YEATS4: variants seen among roughly 807,000 people sequenced by gnomAD.
The protein encoded by YEATS4 is YEATS domain containing 4.
A neutral mutation model predicts 30.1 loss-of-function variants in YEATS4; 17 were observed. The ratio of observed to expected loss-of-function variants is 0.56; its 90% CI spans 0.39 to 0.85. The LOEUF (loss-of-function observed/expected upper bound fraction) is 0.85. Ranked by LOEUF, YEATS4 falls within the 40% of genes least tolerant of loss-of-function variation. YEATS4 has a pLI of 0.00. For missense variants in YEATS4, 142 were observed against 268.3 expected (o/e 0.53, Z 3.29); for synonymous variants, 85 against 87.5 (o/e 0.97, Z 0.16).
At chr12:69,369,452 T>A (rs926305079) in intron 4 of YEATS4, among the ~76,000 whole-genome samples, 5 of 152,192 alleles carry the variant, frequency 3.3e-5, no homozygotes, top group Non-Finnish European at 7.3e-5. Flanking sequence ...AAGGTAGATA[T>A]GCTTTCTTGT....
chr12:69,417,414 C>T, the YEATS4 span, among the ~76,000 whole-genome samples: 1 of 151,988 alleles, frequency 6.6e-6, no homozygotes, highest in Admixed American at 6.6e-5. Flanking sequence ...CCCGCCTCAG[C>T]CTCCTGAAGT....
the YEATS4 span, among the ~76,000 whole-genome samples, chr12:69,398,784 C>T: frequency 6.7e-6 from 1 of 149,734 alleles, no homozygotes; most frequent in East Asian, 2.0e-4. Flanking sequence ...TACTGCACTC[C>T]AGCCTGGGCA....
chr12:69,362,486 A>C (rs553701147), intron 1 of YEATS4, among the ~76,000 whole-genome samples: 1 of 152,294 alleles, frequency 6.6e-6, no homozygotes, highest in Non-Finnish European at 1.5e-5. Context: ...TTTTTATTTC[A>C]ATGCCTAGCT....
At chr12:69,393,285 A>AT, downstream of YEATS4, among the ~76,000 whole-genome samples, 1 of 152,218 alleles carries the variant, frequency 6.6e-6, no homozygotes, top group Admixed American at 6.5e-5. Flanking sequence ...TACAAAAAAA[A>AT]CCAAACAAAC....
At chr12:69,419,234 T>TTTTTTTG in the YEATS4 span, among the ~76,000 whole-genome samples, 1 of 145,926 alleles carries the variant, frequency 6.9e-6, no homozygotes, top group Non-Finnish European at 1.5e-5. Context: ...TTTTTTTTTT[T>TTTTTTTG]TTTAGAGACA....
chr12:69,375,037 C>T lies in YEATS4; in HGVS notation c.514+4062C>T, dbSNP rs188254937. Among the ~76,000 whole-genome samples, 890 of 149,406 alleles carry T rather than the reference C, an allele frequency of 6.0e-3. 4 individuals carry two copies. Among genetic ancestry groups the T allele is most frequent in the Middle Eastern group, 0.011 (3 of 262 alleles). ...CCACCTCCCGGACGGGGCAGCTGGC[C>T]GGGCGGGGGCTGCCCCCCACCTCCC... On this transcript the variant is annotated intron_variant, in intron 6 of 6. Coordinates refer to ENST00000247843, the MANE Select transcript of YEATS4 (RefSeq NM_006530.4).
At chr12:69,410,529 G>T in the YEATS4 span, among the ~76,000 whole-genome samples, 1 of 152,146 alleles carries the variant, frequency 6.6e-6, no homozygotes, top group African/African-American at 2.4e-5. Flanking sequence ...CCACATAATT[G>T]TTGGAGTGAG....
At chr12:69,410,961 G>A in the YEATS4 span, among the ~76,000 whole-genome samples, 1 of 152,114 alleles carries the variant, frequency 6.6e-6, no homozygotes, top group Non-Finnish European at 1.5e-5. Flanking sequence ...AACTGCAACT[G>A]GAAACGTCTG....
At chr12:69,398,447 T>G in the YEATS4 span, among the ~76,000 whole-genome samples, 30 of 152,130 alleles carry the variant, frequency 2.0e-4, no homozygotes, top group Non-Finnish European at 4.1e-4. Flanking sequence ...TAAAAAAATT[T>G]CATTTATAAT....
At chr12:69,417,249 C>T in the YEATS4 span, among the ~76,000 whole-genome samples, 1 of 147,590 alleles carries the variant, frequency 6.8e-6, no homozygotes, top group South Asian at 2.2e-4. Context: ...CCTCAACTTC[C>T]TGGGTTCAAG....
At chr12:69,418,853 G>A in the YEATS4 span, among the ~76,000 whole-genome samples, 1 of 151,952 alleles carries the variant, frequency 6.6e-6, no homozygotes, top group Non-Finnish European at 1.5e-5. Flanking sequence ...GGGGGCTAAG[G>A]CAGGAGGATC....
chr12:69,368,255 A>G (rs906413828), intron 4 of YEATS4, among the ~76,000 whole-genome samples: 14 of 152,216 alleles, frequency 9.2e-5, no homozygotes, highest in Admixed American at 6.5e-5. Context: ...TCTGCTACCC[A>G]GTAACCTATT....
chr12:69,403,972 C>T, the YEATS4 span, among the ~76,000 whole-genome samples: 50 of 151,838 alleles, frequency 3.3e-4, no homozygotes, highest in African/African-American at 1.1e-3. Context: ...TTGGCCAATT[C>T]TTCTCAGTCT....
chr12:69,379,583 ATTTTTTTTTTTTTTTTTTTTTTT>A (rs61048163), intron 6 of YEATS4, among the ~76,000 whole-genome samples: 2 of 72,300 alleles, frequency 2.8e-5, no homozygotes, highest in Admixed American at 1.9e-4. Context: ...TGCCCAGCTA[ATTTTTTTTTTTTTTTTTTTTTTT>A]TTTTTTTTTT....
intron 4 of YEATS4, among the ~76,000 whole-genome samples, chr12:69,366,654 T>G (rs1565675591): frequency 6.6e-6 from 1 of 152,286 alleles, no homozygotes; most frequent in South Asian, 2.1e-4. Context: ...ATTCCACATA[T>G]GTGGCTGGGG....
At chr12:69,414,792 A>G in the YEATS4 span, among the ~76,000 whole-genome samples, 3 of 152,232 alleles carry the variant, frequency 2.0e-5, no homozygotes, top group East Asian at 5.8e-4. Flanking sequence ...CTTTGAAGCC[A>G]GATGGATTTG....
chr12:69,401,718 A>G, the YEATS4 span, among the ~76,000 whole-genome samples: 1 of 152,186 alleles, frequency 6.6e-6, no homozygotes, highest in Non-Finnish European at 1.5e-5. Flanking sequence ...TAGTTCATAT[A>G]CACCATCCAT....
intron 1 of YEATS4, among the ~76,000 whole-genome samples, chr12:69,362,065 T>A (rs1277780082): frequency 1.4e-5 from 2 of 144,642 alleles, no homozygotes; most frequent in African/African-American, 5.3e-5. Context: ...TTGCCCAGGC[T>A]GGAGTGCAAT....
At chr12:69,408,228 AC>A in the YEATS4 span, among the ~76,000 whole-genome samples, 1 of 152,210 alleles carries the variant, frequency 6.6e-6, no homozygotes, top group South Asian at 2.1e-4. Flanking sequence ...CTTCGAACTT[AC>A]TAGTGACCCT....
Sources: gnomAD v4.1 joint callset for allele counts (sites outside exome capture counted in the v4.1 genomes callset) on GRCh38, gnomAD v4.1.1 for gene constraint, MANE v1.5 for transcripts, NCBI Gene and HGNC (gene_info 2026-07-23, HGNC 2026-07-21) for gene names.